HCRTR2: variants seen among roughly 807,000 people sequenced by gnomAD.
The protein encoded by HCRTR2 is hypocretin receptor 2, also known as orexin receptor type 2.
Under a neutral mutation model 49.0 loss-of-function variants are expected in HCRTR2, and 22 were observed. The ratio of observed to expected loss-of-function variants is 0.45; its 90% CI spans 0.32 to 0.64. HCRTR2 has a LOEUF of 0.64. Ranked by LOEUF, HCRTR2 falls within the 30% of genes least tolerant of loss-of-function variation. The pLI is 0.04. For missense variants in HCRTR2, 491 were observed against 559.4 expected, an observed-to-expected ratio of 0.88 and a Z score of 1.23; for synonymous variants, 236 against 205.3, an observed-to-expected ratio of 1.15 and a Z score of -1.28.
chr6:55,205,032 A>G (rs1239033593), intron 1 of HCRTR2, among the ~76,000 whole-genome samples: 1 of 151,806 alleles, frequency 6.6e-6, no homozygotes, highest in Non-Finnish European at 1.5e-5. Flanking sequence ...CCCTCCTCAG[A>G]CTCCCAAAGT....
chr6:55,207,297 A>G lies in HCRTR2; in HGVS notation c.223+32487A>G, dbSNP rs189103657. Among the ~76,000 whole-genome samples, 10 of 152,236 alleles carry G rather than the reference A, an allele frequency of 6.6e-5. 3 individuals are homozygous for G. The highest frequency in any genetic ancestry group is 2.4e-4 in the African/African-American group (10 of 41,570). On this transcript the variant is annotated intron_variant, in intron 1 of 6. Transcript: ENST00000370862. ...GTGAAATAAAAATGCTCAATTATGAAAGCATTTATTGCCATTTTGAATGAA... is the reference window on the plus strand; with the variant it reads ...GTGAAATAAAAATGCTCAATTATGAGAGCATTTATTGCCATTTTGAATGAA...
At chr6:55,127,349 C>G (rs1027805718) in intron 1 of HCRTR2, among the ~76,000 whole-genome samples, 2 of 152,058 alleles carry the variant, frequency 1.3e-5, no homozygotes, top group African/African-American at 4.8e-5. Flanking sequence ...CCTTGCACTT[C>G]CCAGGTAAGG....
rs561970629 is a variant in HCRTR2 at position 55,129,868 on chromosome 6, G to C, written c.-378+23323G>C. ...TCAAATTTCTATAGAAGTTGCCTTTGAGAATAAGTTCTCTTTTACTTTAAC... is the reference window on the plus strand; with the variant it reads ...TCAAATTTCTATAGAAGTTGCCTTTCAGAATAAGTTCTCTTTTACTTTAAC... On this transcript the variant is annotated intron_variant, in intron 1 of 7. Transcript: ENST00000615358. 2.6e-5 allele frequency among the ~76,000 whole-genome samples: 4 copies of C among 152,034 alleles called. No homozygotes were observed. The East Asian group carries it at 7.7e-4, about 29-fold the overall frequency.
At chr6:55,146,374 G>C (rs888197599) in intron 1 of HCRTR2, among the ~76,000 whole-genome samples, 1 of 151,964 alleles carries the variant, frequency 6.6e-6, no homozygotes, top group Non-Finnish European at 1.5e-5. Context: ...TCTTATTACT[G>C]TACTAAAAAA....
intron 1 of HCRTR2, among the ~76,000 whole-genome samples, chr6:55,131,805 A>G (rs1432615975): frequency 6.6e-6 from 1 of 151,766 alleles, no homozygotes; most frequent in East Asian, 1.9e-4. Context: ...CTCTTTAAGT[A>G]TTTGTCATGC....
chr6:55,169,738 A>G (rs1168337527), upstream of HCRTR2, among the ~76,000 whole-genome samples: 4 of 152,152 alleles, frequency 2.6e-5, no homozygotes, highest in Admixed American at 1.3e-4. Flanking sequence ...CAGCAAAGGA[A>G]AGAAAGCAAC....
At chr6:55,145,399 T>G (rs1470303785) in intron 1 of HCRTR2, among the ~76,000 whole-genome samples, 3 of 102,508 alleles carry the variant, frequency 2.9e-5, no homozygotes, top group African/African-American at 9.8e-5. Flanking sequence ...CTTTGTTTTT[T>G]TTTTTGTTTT....
chr6:55,160,139 C>G (rs1484728569), intron 1 of HCRTR2, among the ~76,000 whole-genome samples: 1 of 152,108 alleles, frequency 6.6e-6, no homozygotes, highest in Non-Finnish European at 1.5e-5. Context: ...AGTGGATCTC[C>G]CTGCAGAAAC....
At chr6:55,166,038 A>G (rs1157427153) in intron 1 of HCRTR2, among the ~76,000 whole-genome samples, 2 of 151,808 alleles carry the variant, frequency 1.3e-5, no homozygotes, top group African/African-American at 4.8e-5. Flanking sequence ...TCATGAAGAG[A>G]TGTTGCATTT....
intron 1 of HCRTR2, among the ~76,000 whole-genome samples, chr6:55,111,536 A>G (rs1764048932): frequency 6.6e-6 from 1 of 152,048 alleles, no homozygotes; most frequent in South Asian, 2.1e-4. Flanking sequence ...ACATGCACAA[A>G]CTAGAAAACC....
At chr6:55,257,225 C>A (rs913324029) in intron 3 of HCRTR2, among the ~76,000 whole-genome samples, 8 of 151,986 alleles carry the variant, frequency 5.3e-5, no homozygotes, top group Non-Finnish European at 1.2e-4. Flanking sequence ...CTTATACGAT[C>A]CTTTTACACT....
intron 1 of HCRTR2, among the ~76,000 whole-genome samples, chr6:55,141,178 CA>C (rs57936133): frequency 0.36 from 47,787 of 131,768 alleles, 9,234 homozygotes; most frequent in African/African-American, 0.55. Context: ...ACTAAAAATA[CA>C]AAAAAAAAAA....
intron 1 of HCRTR2, among the ~76,000 whole-genome samples, chr6:55,239,805 TCTCACTCTGTCGC>T (rs1766287620): frequency 7.5e-6 from 1 of 133,242 alleles, no homozygotes; most frequent in African/African-American, 3.0e-5. Flanking sequence ...TGAGACGGAG[TCTCACTCTGTCGC>T]CCAGGCTGGA....
chr6:55,137,401 T>G (rs1305875932), intron 1 of HCRTR2, among the ~76,000 whole-genome samples: 1 of 152,216 alleles, frequency 6.6e-6, no homozygotes, highest in East Asian at 1.9e-4. Context: ...TAGGTGCATC[T>G]AACTGAATGT....
chr6:55,190,933 A>G (rs1010985944), intron 1 of HCRTR2, among the ~76,000 whole-genome samples: 3 of 152,172 alleles, frequency 2.0e-5, no homozygotes, highest in African/African-American at 7.2e-5. Context: ...ACCTCCTGTT[A>G]TATTTGATGG....
intron 1 of HCRTR2, among the ~76,000 whole-genome samples, chr6:55,185,652 G>T (rs1414750079): frequency 6.7e-6 from 1 of 149,408 alleles, no homozygotes; most frequent in Non-Finnish European, 1.5e-5. Flanking sequence ...TGGACATAAG[G>T]CCTTGAGTTT....
At chr6:55,194,608 A>T (rs986221925) in intron 1 of HCRTR2, among the ~76,000 whole-genome samples, 1 of 152,106 alleles carries the variant, frequency 6.6e-6, no homozygotes, top group African/African-American at 2.4e-5. Context: ...TGGTACTCCA[A>T]ATCTTAACAT....
chr6:55,132,814 G>T (rs1242699175), intron 1 of HCRTR2, among the ~76,000 whole-genome samples: 2 of 150,642 alleles, frequency 1.3e-5, no homozygotes, highest in African/African-American at 2.4e-5. Context: ...TTTGAAAGTG[G>T]TATTGCTTTA....
At chr6:55,200,490 G>GA (rs2127284041) in intron 1 of HCRTR2, among the ~76,000 whole-genome samples, 1 of 152,020 alleles carries the variant, frequency 6.6e-6, no homozygotes, top group South Asian at 2.1e-4. Flanking sequence ...GGTGTTTTTT[G>GA]AAAAGACTTT....
Sources: gnomAD v4.1 joint callset for allele counts (sites outside exome capture counted in the v4.1 genomes callset) on GRCh38, gnomAD v4.1.1 for gene constraint, MANE v1.5 for transcripts, NCBI Gene and HGNC (gene_info 2026-07-23, HGNC 2026-07-21) for gene names.